NAV2: variants seen among roughly 807,000 people sequenced by gnomAD.
The protein encoded by NAV2 is helicase, APC down-regulated 1.
A neutral mutation model predicts 223.2 loss-of-function variants in NAV2; 54 were observed. The observed-to-expected ratio is 0.24, with a 90% CI of 0.19 to 0.30. The LOEUF (loss-of-function observed/expected upper bound fraction) is 0.30. NAV2 is among the 10% of genes least tolerant of loss of function. The pLI is 1.00. For missense variants in NAV2, 2,806 were observed against 3,147.5 expected (o/e 0.89, Z 2.60); for synonymous variants, 1,279 against 1,239.3 (o/e 1.03, Z -0.67).
At chr11:19,424,328 A>T (rs993980187) in intron 1 of NAV2, among the ~76,000 whole-genome samples, 3 of 152,190 alleles carry the variant, frequency 2.0e-5, no homozygotes. Flanking sequence ...TCCTAGAGGC[A>T]TGGGGAGGCT....
intron 1 of NAV2, among the ~76,000 whole-genome samples, chr11:19,688,660 CAG>C (rs1308003878): frequency 6.6e-6 from 1 of 152,172 alleles, no homozygotes; most frequent in Non-Finnish European, 1.5e-5. Context: ...ACCAGTCACT[CAG>C]GGGGATATAT....
At chr11:20,019,364 A>T (rs1333013091) in intron 11 of NAV2, among the ~76,000 whole-genome samples, 1 of 152,224 alleles carries the variant, frequency 6.6e-6, no homozygotes, top group Non-Finnish European at 1.5e-5. Context: ...ATGTAGAGTC[A>T]TATTCTGAGA....
intron 1 of NAV2, among the ~76,000 whole-genome samples, chr11:19,776,668 G>GTGTGTGTGTGTGTGTGTGTGTGTC (rs1170413542): frequency 6.7e-6 from 1 of 150,050 alleles, no homozygotes; most frequent in African/African-American, 2.5e-5. Context: ...GTGTGTGTGT[G>GTGTGTGTGTGTGTGTGTGTGTGTC]TGTGTGTGGT....
chr11:19,485,666 A>T (rs2702711), intron 1 of NAV2, among the ~76,000 whole-genome samples: 1,817 of 152,280 alleles, frequency 0.012, 36 homozygotes, highest in African/African-American at 0.042. Flanking sequence ...TTCCCATGGA[A>T]AAGATTCTTG....
chr11:19,862,269 A>C (rs1436153928), intron 3 of NAV2, among the ~76,000 whole-genome samples: 1 of 152,260 alleles, frequency 6.6e-6, no homozygotes, highest in Admixed American at 6.5e-5. Flanking sequence ...TATTATAAAC[A>C]GTATGGTGGA....
chr11:19,394,521 C>G (rs1418646461), intron 1 of NAV2, among the ~76,000 whole-genome samples: 1 of 151,572 alleles, frequency 6.6e-6, no homozygotes, highest in Non-Finnish European at 1.5e-5. Context: ...ATGTGAGGAG[C>G]GATGGCTCTT....
chr11:19,463,073 G>T (rs1459580796), intron 1 of NAV2, among the ~76,000 whole-genome samples: 1 of 152,228 alleles, frequency 6.6e-6, no homozygotes. Context: ...ATTACTATGT[G>T]ATTCTGAGCC....
chr11:19,587,800 T>G (rs1053306513), intron 1 of NAV2, among the ~76,000 whole-genome samples: 2 of 152,160 alleles, frequency 1.3e-5, no homozygotes, highest in Non-Finnish European at 2.9e-5. Context: ...GGTACCACAA[T>G]GTATAAAGGC....
chr11:19,454,434 A>G (rs1405713211), intron 1 of NAV2, among the ~76,000 whole-genome samples: 2 of 152,216 alleles, frequency 1.3e-5, no homozygotes, highest in Non-Finnish European at 2.9e-5. Flanking sequence ...CTTCAGGCCC[A>G]TCACCCTGAG....
intron 5 of NAV2, among the ~76,000 whole-genome samples, chr11:19,888,855 A>G (rs12418955): frequency 0.08 from 12,178 of 152,044 alleles, 858 homozygotes; most frequent in East Asian, 0.3. Flanking sequence ...GGTCTTTTAC[A>G]CACTACCTTT....
chr11:19,662,062 G>A (rs775870060), intron 1 of NAV2, among the ~76,000 whole-genome samples: 1 of 152,094 alleles, frequency 6.6e-6, no homozygotes, highest in African/African-American at 2.4e-5. Flanking sequence ...TGGGAAGTGG[G>A]GGTACAGCAG....
intron 1 of NAV2, chr11:19,505,440 T>C (rs2043094607): frequency 6.6e-6 from 1 of 152,214 alleles, no homozygotes; most frequent in Non-Finnish European, 1.5e-5. Flanking sequence ...GAAGCGGAGA[T>C]GGAATCACTT....
intron 1 of NAV2, among the ~76,000 whole-genome samples, chr11:19,559,867 C>T (rs1428838314): frequency 1.3e-5 from 2 of 152,124 alleles, no homozygotes; most frequent in African/African-American, 4.8e-5. Flanking sequence ...CTCCAGAGCC[C>T]CCTTCTCAGT....
chr11:19,360,620 G>A (rs1209428535), intron 1 of NAV2, among the ~76,000 whole-genome samples: 10 of 152,194 alleles, frequency 6.6e-5, no homozygotes, highest in African/African-American at 9.7e-5. Context: ...TAGGGACAGC[G>A]TCACATGGTA....
At chr11:19,522,822 T>C (rs1408063716) in intron 1 of NAV2, among the ~76,000 whole-genome samples, 1 of 152,190 alleles carries the variant, frequency 6.6e-6, no homozygotes, top group Non-Finnish European at 1.5e-5. Context: ...TCACTTTAAT[T>C]CCCCAATGTC....
Position 20,118,408 on chromosome 11 carries a change from C to T in NAV2, c.*150C>T. On this transcript the variant is annotated 3_prime_UTR_variant, in exon 38 of 38. Coordinates refer to ENST00000349880, the MANE Select transcript of NAV2 (RefSeq NM_145117.5). ...GAGACCCCCCGTCCTTCAGCCTCGA[C>T]CTGGGTGCAGGCATCCCGGGCCAGC... 1 of 906,066 alleles carries T rather than the reference C, an allele frequency of 1.1e-6. No homozygotes were observed. The highest frequency in any genetic ancestry group is 1.7e-6 in the Non-Finnish European group (1 of 591,872). 56.1% of individuals were successfully genotyped at this position (906,066 alleles called of 1,614,324 possible).
intron 10 of NAV2, among the ~76,000 whole-genome samples, chr11:19,961,862 T>C (rs910431330): frequency 6.6e-6 from 1 of 152,014 alleles, no homozygotes; most frequent in Non-Finnish European, 1.5e-5. Flanking sequence ...CAACATCTTA[T>C]TCTTGAGCAC....
At chr11:19,686,549 A>C (rs972767210) in intron 1 of NAV2, among the ~76,000 whole-genome samples, 1 of 152,208 alleles carries the variant, frequency 6.6e-6, no homozygotes, top group Non-Finnish European at 1.5e-5. Context: ...ATGACACTGC[A>C]TTCATCACAG....
At chr11:19,995,795 G>C (rs991626219) in intron 11 of NAV2, among the ~76,000 whole-genome samples, 30 of 152,204 alleles carry the variant, frequency 2.0e-4, no homozygotes, top group Non-Finnish European at 3.7e-4. Context: ...TTTTCATTGA[G>C]ATAACAAAAT....
Sources: gnomAD v4.1 joint callset for allele counts (sites outside exome capture counted in the v4.1 genomes callset) on GRCh38, gnomAD v4.1.1 for gene constraint, MANE v1.5 for transcripts, NCBI Gene and HGNC (gene_info 2026-07-23, HGNC 2026-07-21) for gene names.